Variants in LMLN observed in about 807,000 individuals in gnomAD.
The protein encoded by LMLN is leishmanolysin like peptidase.
Under a neutral mutation model 92.3 loss-of-function variants are expected in LMLN, and 70 were observed. The observed-to-expected ratio is 0.76, with a 90% CI of 0.63 to 0.92. The LOEUF (loss-of-function observed/expected upper bound fraction) is 0.92, where lower values mean the gene tolerates loss of function less well. LMLN is among the 40% of genes least tolerant of loss of function. LMLN has a pLI of 0.00. For synonymous variants in LMLN, 308 were observed against 296.2 expected (o/e 1.04, Z -0.41); for missense variants, 691 against 814.6 (o/e 0.85, Z 1.85).
chr3:198,038,500 A>C, intron 15 of LMLN, 67 bp from the exon 17 acceptor site: 1 of 1,105,868 alleles, frequency 9.0e-7, no homozygotes, highest in South Asian at 1.3e-5. Context: ...TCATCTGTCA[A>C]TATTTAATTG....
At chr3:198,024,759 T>C in exon 14 of LMLN, 1 of 1,611,066 alleles carries the variant, frequency 6.2e-7, no homozygotes, top group South Asian at 1.1e-5. Context: ...GAAGCTGAGT[T>C]ACCCAGACTG....
chr3:197,972,073 A>T (rs1187441520), intron 1 of LMLN, among the ~76,000 whole-genome samples: 20 of 139,114 alleles, frequency 1.4e-4, no homozygotes, highest in Non-Finnish European at 2.2e-4. Context: ...TTTCTAGTGA[A>T]TTTTTTTTTT....
At chr3:197,973,939 A>G (rs1357658106) in intron 1 of LMLN, among the ~76,000 whole-genome samples, 2 of 152,236 alleles carry the variant, frequency 1.3e-5, no homozygotes, top group Non-Finnish European at 2.9e-5. Flanking sequence ...TGAAAAAATC[A>G]TGTAAATAGT....
intron 1 of LMLN, among the ~76,000 whole-genome samples, chr3:197,967,258 T>G (rs1721084800): frequency 1.3e-5 from 2 of 152,260 alleles, no homozygotes; most frequent in Admixed American, 1.3e-4. Context: ...GCCCCCAATA[T>G]TTCAAAGTAG....
At chr3:197,962,066 A>G (rs1720917746) in intron 1 of LMLN, among the ~76,000 whole-genome samples, 1 of 152,154 alleles carries the variant, frequency 6.6e-6, no homozygotes, top group Non-Finnish European at 1.5e-5. Context: ...ACATCCACAT[A>G]AAGCATACAA....
In LMLN at chr3:197,990,000, G is replaced by A. The variant is rs143490839; in HGVS notation, c.930-559G>A. ...AGTGATCCTCTTGCCTCAGCCTCAC[G>A]AGTAGCTGGGACTACAGGCACACAC... is the stretch of plus-strand genomic sequence containing the variant. On this transcript the variant is annotated intron_variant, in intron 8 of 15. Transcript: ENST00000330198. 1.1e-3 allele frequency among the ~76,000 whole-genome samples: 169 copies of A among 152,240 alleles called. 1 individual carries two copies. The highest frequency in any genetic ancestry group is 3.8e-3 in the African/African-American group (158 of 41,530).
At chr3:197,977,754 T>C (rs910031225) in intron 5 of LMLN, among the ~76,000 whole-genome samples, 3 of 147,116 alleles carry the variant, frequency 2.0e-5, no homozygotes, top group South Asian at 2.1e-4. Context: ...TGGATACATA[T>C]AAAAATCATC....
At chr3:197,998,906 C>T (rs1458521681) in intron 10 of LMLN, among the ~76,000 whole-genome samples, 2 of 152,170 alleles carry the variant, frequency 1.3e-5, no homozygotes, top group Non-Finnish European at 2.9e-5. Flanking sequence ...TCTCCCTGAC[C>T]CCAAATTATC....
In LMLN at chr3:198,003,260, A is replaced by G. The variant is rs1722224142; in HGVS notation, c.1232+3918A>G. The stretch of plus-strand genomic sequence containing the variant: ...TTTTAAAATATATAGAAAACCATCT[A>G]TAGATGGTTGGTAATAATATAGTGA... On this transcript the variant is annotated intron_variant, in intron 11 of 15. Coordinates refer to ENST00000330198, the Ensembl canonical transcript of LMLN. The G allele has an allele frequency of 5.5e-6, 3 of 548,614 alleles. No homozygotes were observed. The African/African-American group carries it at 5.7e-5, about 10-fold the overall frequency. The allele number at this position is 548,614 out of a possible 1,614,324, so 34.0% of individuals were successfully genotyped here.
intron 9 of LMLN, among the ~76,000 whole-genome samples, chr3:197,995,626 G>A (rs1446487781): frequency 1.3e-5 from 2 of 152,060 alleles, no homozygotes; most frequent in Non-Finnish European, 2.9e-5. Flanking sequence ...TCACAGATGG[G>A]TGTAACACTT....
exon 4 of LMLN, chr3:197,976,079 C>T (rs146711559): frequency 6.2e-7 from 1 of 1,607,944 alleles, no homozygotes; most frequent in African/African-American, 1.3e-5. Flanking sequence ...CTTTTCAGGT[C>T]CGTCGACCTG....
At position 198,042,095 on chromosome 3, in the gene LMLN, A is replaced by G. The variant is rs1333777058; in HGVS notation, c.*3428A>G. On this transcript the variant is annotated 3_prime_UTR_variant, in exon 16 of 16. Coordinates refer to ENST00000330198, the Ensembl canonical transcript of LMLN. This position sits in a 1 kb window ranked among gnomAD's most constrained non-coding sequence, Gnocchi z 4.2. ...ATAAAGTCTTGAGTTCCTCAGGGTA[A>G]CTGTGTTGATGTCTCCCGTCCTCTT... 6.6e-6 allele frequency: 1 copy of G among 152,136 alleles called. No homozygotes were observed. Among genetic ancestry groups the G allele is most frequent in the Admixed American group, 6.5e-5 (1 of 15,278 alleles). 9.4% of individuals were successfully genotyped at this position (152,136 alleles called of 1,614,324 possible).
At chr3:198,035,227 G>A (rs1293223107) in intron 14 of LMLN, among the ~76,000 whole-genome samples, 1 of 150,390 alleles carries the variant, frequency 6.6e-6, no homozygotes, top group Non-Finnish European at 1.5e-5. Context: ...AGCTGTATGT[G>A]TGTGCCCCCT....
chr3:198,010,522 C>G (rs1171343170), intron 11 of LMLN, among the ~76,000 whole-genome samples: 2 of 152,122 alleles, frequency 1.3e-5, no homozygotes, highest in Non-Finnish European at 2.9e-5. Flanking sequence ...GATCATGAGG[C>G]TCACTGCAGC....
chr3:197,962,399 T>G (rs1025665528), intron 1 of LMLN, among the ~76,000 whole-genome samples: 2 of 152,240 alleles, frequency 1.3e-5, no homozygotes, highest in African/African-American at 4.8e-5. Context: ...TATTTTGGTT[T>G]CTTCCAGATT....
chr3:197,989,812 A>G (rs533160088), intron 8 of LMLN, among the ~76,000 whole-genome samples: 1 of 152,364 alleles, frequency 6.6e-6, no homozygotes, highest in East Asian at 1.9e-4. Flanking sequence ...GCTTGAGGCC[A>G]GGAATTCGAG....
intron 14 of LMLN, among the ~76,000 whole-genome samples, chr3:198,035,429 C>T (rs1445091262): frequency 7.5e-6 from 1 of 134,006 alleles, no homozygotes; most frequent in Non-Finnish European, 1.5e-5. Context: ...GTGGCATGAT[C>T]TCGGCTCACT....
chr3:197,996,142 A>C, intron 9 of LMLN, 33 bp from the exon 10 acceptor site: 1 of 1,282,558 alleles, frequency 7.8e-7, no homozygotes, highest in Non-Finnish European at 1.1e-6. Context: ...CTTTTGTACC[A>C]TATTTGTTTC....
chr3:197,966,713 C>T (rs1721071019), intron 1 of LMLN, among the ~76,000 whole-genome samples: 2 of 152,064 alleles, frequency 1.3e-5, no homozygotes, highest in Admixed American at 6.6e-5. Context: ...AGATGAACCT[C>T]ACTTGGTGAT....
Sources: gnomAD v4.1 joint callset for allele counts (sites outside exome capture counted in the v4.1 genomes callset) on GRCh38, gnomAD v4.1.1 for gene constraint, Gnocchi (gnomAD v3.1) non-coding constraint, MANE v1.5 for transcripts, NCBI Gene and HGNC (gene_info 2026-07-23, HGNC 2026-07-21) for gene names.